Variants in SGCZ observed in about 807,000 individuals in gnomAD.
The protein encoded by SGCZ is zeta-sarcoglycan.
SGCZ carries 40 observed loss-of-function variants against 41.3 expected under a neutral mutation model. That is an observed-to-expected ratio of 0.97 (90% CI 0.75 to 1.26). The LOEUF (loss-of-function observed/expected upper bound fraction) is 1.26. SGCZ is among the 50% of genes most tolerant of loss of function. The probability of loss-of-function intolerance (pLI) is 0.00; values close to 1 mark genes in which losing one functional copy is unlikely to be tolerated. For synonymous variants in SGCZ, 206 were observed against 137.5 expected, an observed-to-expected ratio of 1.50 and a Z score of -3.49; for missense variants, 552 against 369.8, an observed-to-expected ratio of 1.49 and a Z score of -4.04.
intron 2 of SGCZ, among the ~76,000 whole-genome samples, chr8:14,396,197 C>T (rs1335442102): frequency 6.6e-6 from 1 of 152,084 alleles, no homozygotes. Context: ...GTAAATAACT[C>T]TTATATCTGC....
intron 4 of SGCZ, among the ~76,000 whole-genome samples, chr8:14,212,361 A>C (rs1805837375): frequency 6.6e-6 from 1 of 152,042 alleles, no homozygotes; most frequent in Admixed American, 6.6e-5. Context: ...GTGAAACAAA[A>C]AAGTTTTTTG....
chr8:15,223,935 A>G (rs1364391412), intron 1 of SGCZ, among the ~76,000 whole-genome samples: 1 of 152,074 alleles, frequency 6.6e-6, no homozygotes, highest in East Asian at 1.9e-4. Flanking sequence ...GCTCACTGTA[A>G]CCTCCACCTC....
At chr8:14,359,217 G>C (rs913431156) in intron 2 of SGCZ, among the ~76,000 whole-genome samples, 2 of 151,994 alleles carry the variant, frequency 1.3e-5, no homozygotes, top group East Asian at 3.9e-4. Flanking sequence ...GATAAAGAAA[G>C]GATCCTAAAA....
intron 3 of SGCZ, among the ~76,000 whole-genome samples, chr8:14,263,621 G>C (rs1799757325): frequency 2.0e-5 from 3 of 152,148 alleles, no homozygotes; most frequent in African/African-American, 7.2e-5. Context: ...AAGAGGCAGA[G>C]CAAAATGGCC....
At chr8:15,196,725 G>A (rs1397377496) in intron 1 of SGCZ, among the ~76,000 whole-genome samples, 1 of 152,246 alleles carries the variant, frequency 6.6e-6, no homozygotes, top group East Asian at 1.9e-4. Flanking sequence ...ATGCTGGTGC[G>A]CTGCACCCAC....
rs77021579 is a variant in SGCZ at position 14,462,665 on chromosome 8, T to C, written c.234+92067A>G. 5.2e-3 allele frequency among the ~76,000 whole-genome samples: 791 copies of C among 152,082 alleles called. 7 individuals are homozygous for C. Among genetic ancestry groups the C allele is most frequent in the East Asian group, 0.033 (171 of 5,178 alleles). On this transcript the variant is annotated intron_variant, in intron 2 of 7. Coordinates refer to ENST00000382080, the MANE Select transcript of SGCZ (RefSeq NM_139167.4). ...ACCGGGAAGTATGAACGCTTCCACT[T>C]TGTTCTTCTTTTTCAAGCTTGATTG...
chr8:14,417,027 C>G (rs1799511826), intron 2 of SGCZ, among the ~76,000 whole-genome samples: 1 of 151,772 alleles, frequency 6.6e-6, no homozygotes, highest in Non-Finnish European at 1.5e-5. Context: ...TTCCCAGGAT[C>G]AAGCAGGCTC....
chr8:15,002,415 G>T (rs1344414864), intron 1 of SGCZ, among the ~76,000 whole-genome samples: 1 of 152,098 alleles, frequency 6.6e-6, no homozygotes, highest in South Asian at 2.1e-4. Context: ...TTTATTTTAA[G>T]GTTTCTGAGG....
At chr8:14,567,185 C>T (rs189618208) in intron 1 of SGCZ, among the ~76,000 whole-genome samples, 1 of 152,310 alleles carries the variant, frequency 6.6e-6, no homozygotes, top group East Asian at 1.9e-4. Flanking sequence ...CTCCACAGCG[C>T]CGGGTCCCAT....
intron 1 of SGCZ, among the ~76,000 whole-genome samples, chr8:15,155,736 G>T (rs1207021087): frequency 6.6e-6 from 1 of 152,106 alleles, no homozygotes; most frequent in Non-Finnish European, 1.5e-5. Flanking sequence ...AACCTGATTT[G>T]CAGAAAAAAT....
At chr8:14,905,100 A>C (rs1799084358) in intron 1 of SGCZ, among the ~76,000 whole-genome samples, 1 of 152,034 alleles carries the variant, frequency 6.6e-6, no homozygotes. Flanking sequence ...CACAAATTAT[A>C]AGGAGAAAAA....
intron 2 of SGCZ, among the ~76,000 whole-genome samples, chr8:14,369,626 C>G (rs1365147178): frequency 1.3e-5 from 2 of 151,938 alleles, no homozygotes; most frequent in African/African-American, 4.8e-5. Flanking sequence ...CCCTGTTTCT[C>G]AACAAACATT....
At chr8:14,380,277 CCTTT>C (rs1320639326) in intron 2 of SGCZ, among the ~76,000 whole-genome samples, 2 of 152,058 alleles carry the variant, frequency 1.3e-5, no homozygotes, top group Non-Finnish European at 2.9e-5. Flanking sequence ...TTGATGTTTT[CCTTT>C]CTTTCATTTC....
In SGCZ at chr8:14,846,509, C is replaced by T. The variant is rs115934099; in HGVS notation, c.40-291583G>A. ...AGAAAAGTCACATCACTATAGACTC[C>T]ACGGATAACAAAAGAAAAATTAAAA... On this transcript the variant is annotated intron_variant, in intron 1 of 7. Transcript: ENST00000382080. Among the ~76,000 whole-genome samples, 121 of 151,906 alleles carry T rather than the reference C, an allele frequency of 8.0e-4. 1 individual carries two copies. The highest frequency in any genetic ancestry group is 2.6e-3 in the African/African-American group (109 of 41,464).
At chr8:14,532,379 TG>T (rs1803159515) in intron 2 of SGCZ, among the ~76,000 whole-genome samples, 2 of 152,034 alleles carry the variant, frequency 1.3e-5, no homozygotes, top group South Asian at 2.1e-4. Flanking sequence ...AAGTGGATAA[TG>T]GTCTTTGGAG....
At chr8:14,241,261 C>G (rs1431157442) in intron 3 of SGCZ, among the ~76,000 whole-genome samples, 4 of 151,622 alleles carry the variant, frequency 2.6e-5, no homozygotes, top group Non-Finnish European at 5.9e-5. Context: ...CATAGTAGTA[C>G]TCTCTTATAG....
At chr8:14,266,260 T>C (rs725944) in intron 3 of SGCZ, among the ~76,000 whole-genome samples, 80,512 of 151,882 alleles carry the variant, frequency 0.53, 23,481 homozygotes, top group Non-Finnish European at 0.66. Context: ...GGGGCAGGGA[T>C]GAAGCAATAC....
chr8:14,784,053 GT>G (rs67722353), intron 1 of SGCZ, among the ~76,000 whole-genome samples: 19,582 of 145,374 alleles, frequency 0.13, 2,702 homozygotes, highest in African/African-American at 0.37. Context: ...TTAATTTAAT[GT>G]TTTTTTTTTT....
At chr8:14,860,768 G>A (rs770906404) in intron 1 of SGCZ, among the ~76,000 whole-genome samples, 11 of 137,158 alleles carry the variant, frequency 8.0e-5, no homozygotes, top group East Asian at 2.6e-4. Flanking sequence ...GGGAGGGAGG[G>A]AAGAAACTCT....
Sources: allele counts gnomAD v4.1 joint callset (sites outside exome capture counted in the v4.1 genomes callset), GRCh38; gene constraint gnomAD v4.1.1; transcripts MANE v1.5; gene names NCBI Gene and HGNC (gene_info 2026-07-23, HGNC 2026-07-21).